DMRT1: variants seen among roughly 807,000 people sequenced by gnomAD.
DMRT1 encodes the protein doublesex- and mab-3-related transcription factor 1.
In DMRT1, 7 loss-of-function variants were observed where a neutral mutation model predicts 32.3. The ratio of observed to expected loss-of-function variants is 0.22; its 90% CI spans 0.12 to 0.41. The LOEUF is 0.41. Ranked by LOEUF, DMRT1 falls within the 10% of genes least tolerant of loss-of-function variation. DMRT1 has a pLI of 1.00. For synonymous variants in DMRT1, 278 were observed against 206.1 expected (o/e 1.35, Z -2.99); for missense variants, 625 against 500.5 (o/e 1.25, Z -2.37).
chr9:874,853 G>A (rs966371251), intron 2 of DMRT1, among the ~76,000 whole-genome samples: 1 of 124,122 alleles, frequency 8.1e-6, no homozygotes, highest in African/African-American at 3.1e-5. Flanking sequence ...TGTCACCCCA[G>A]CTGGAGTGCA....
intron 3 of DMRT1, among the ~76,000 whole-genome samples, chr9:901,477 C>G (rs1449829299): frequency 6.6e-6 from 1 of 152,058 alleles, no homozygotes; most frequent in African/African-American, 2.4e-5. Context: ...CAGGCCCCTG[C>G]CACCATGCCT....
In DMRT1 at chr9:842,025, C is replaced by G; in HGVS notation, c.187C>G (p.Leu63Val). The G allele has an allele frequency of 1.3e-6, 2 of 1,549,440 alleles. No homozygotes were observed. The highest frequency in any genetic ancestry group is 1.7e-6 in the Non-Finnish European group (2 of 1,149,790). Residue 63 changes from leucine to valine, a missense_variant, in exon 1 of 5, where the codon CTG becomes GTG. Physicochemically the swap from Leu to Val is conservative, Grantham distance 32. Around this residue, in one of 3 missense-constraint regions of DMRT1, gnomAD observed 201 missense variants for 152.0 expected, o/e 1.32. Transcript: ENST00000382276. ...CGGCTCCGGCTCCGGGGCGTCGGAC[C>G]TGGGTGCCGGGAGCAAGAAGTCCCC... Reference protein sequence around the residue: ...GGGSGSGASDLGAGSKKSPRL... With the variant: ...GGGSGSGASDVGAGSKKSPRL...
At chr9:926,683 CA>C (rs1818534614) in intron 4 of DMRT1, among the ~76,000 whole-genome samples, 1 of 72,800 alleles carries the variant, frequency 1.4e-5, no homozygotes, top group South Asian at 8.8e-4. Context: ...AGAGAAGACA[CA>C]GGTAGAGAGA....
At chr9:868,787 A>G (rs1032732390) in intron 2 of DMRT1, among the ~76,000 whole-genome samples, 9 of 152,230 alleles carry the variant, frequency 5.9e-5, no homozygotes, top group East Asian at 1.9e-4. Flanking sequence ...AGGCAGGTAG[A>G]TGGCTTGAGC....
At chr9:892,804 A>T (rs1048179826) in intron 2 of DMRT1, among the ~76,000 whole-genome samples, 5 of 151,930 alleles carry the variant, frequency 3.3e-5, no homozygotes, top group Admixed American at 2.6e-4. Context: ...CTTTCATACT[A>T]CATGTCTCCT....
chr9:841,905 C>T lies in DMRT1; in HGVS notation c.67C>T (p.Pro23Ser), dbSNP rs2132531685. The change falls in exon 1 of 5, where the codon CCG becomes TCG. Residue 23 changes from proline to serine, a missense_variant. Physicochemically the swap from Pro to Ser is moderately conservative, Grantham distance 74. Transcript: ENST00000382276. ...GGAAGCCCCTCACGCCCCCGGGGTACCGCCGCAGGGCAGAGCCGGGGGCTT... is the reference window on the plus strand; with the variant it reads ...GGAAGCCCCTCACGCCCCCGGGGTATCGCCGCAGGGCAGAGCCGGGGGCTT... ...PSEAPHAPGVPPQGRAGGFGK... is the reference protein window; with the variant it reads ...PSEAPHAPGVSPQGRAGGFGK... 6.2e-7 allele frequency: 1 copy of T among 1,611,166 alleles called. No individual in the cohort carries two copies. The highest frequency in any genetic ancestry group is 8.5e-7 in the Non-Finnish European group (1 of 1,178,856).
intron 1 of DMRT1, among the ~76,000 whole-genome samples, chr9:845,897 A>T (rs1838883146): frequency 6.6e-6 from 1 of 152,082 alleles, no homozygotes; most frequent in South Asian, 2.1e-4. Context: ...CTGCTGGCTG[A>T]TTTTAACATG....
At chr9:874,956 C>A (rs547416147) in intron 2 of DMRT1, among the ~76,000 whole-genome samples, 7 of 151,628 alleles carry the variant, frequency 4.6e-5, no homozygotes, top group Non-Finnish European at 8.8e-5. Context: ...TACGGGTGCC[C>A]GCCACCACGC....
intron 3 of DMRT1, among the ~76,000 whole-genome samples, chr9:909,174 T>G (rs1817884231): frequency 6.6e-6 from 1 of 152,050 alleles, no homozygotes; most frequent in Non-Finnish European, 1.5e-5. Context: ...TTCAGAGCTC[T>G]GGACACAAAA....
intron 3 of DMRT1, chr9:895,002 A>T (rs1042270831): frequency 2.6e-5 from 4 of 152,108 alleles, no homozygotes; most frequent in African/African-American, 4.8e-5. Context: ...TTTAGTAGAG[A>T]TGGGGTTTCA....
chr9:900,903 G>C (rs1325591961), intron 3 of DMRT1, among the ~76,000 whole-genome samples: 1 of 151,948 alleles, frequency 6.6e-6, no homozygotes, highest in Non-Finnish European at 1.5e-5. Flanking sequence ...GTGGTGCCGA[G>C]GCTGGTCTTA....
chr9:959,508 ATTG>A (rs143409687), intron 4 of DMRT1, among the ~76,000 whole-genome samples: 6 of 152,034 alleles, frequency 3.9e-5, no homozygotes, highest in Non-Finnish European at 8.8e-5. Flanking sequence ...AACTGGTTTT[ATTG>A]TTGTTGTTGT....
At chr9:842,558 G>T (rs546349295) in intron 1 of DMRT1, among the ~76,000 whole-genome samples, 4 of 151,472 alleles carry the variant, frequency 2.6e-5, no homozygotes, top group African/African-American at 4.8e-5. Context: ...CTTGAATGAA[G>T]TCCCCCCAGC....
chr9:852,520 G>C (rs143209038), intron 2 of DMRT1, among the ~76,000 whole-genome samples: 1 of 151,438 alleles, frequency 6.6e-6, no homozygotes, highest in African/African-American at 2.4e-5. Flanking sequence ...AGCCTCCCGT[G>C]CTCCTATAGA....
At chr9:911,212 T>TGCCA (rs1817961978) in intron 3 of DMRT1, among the ~76,000 whole-genome samples, 2 of 152,104 alleles carry the variant, frequency 1.3e-5, no homozygotes, top group African/African-American at 4.8e-5. Flanking sequence ...GACCACTAGA[T>TGCCA]GCCAGCATCA....
intron 3 of DMRT1, among the ~76,000 whole-genome samples, chr9:912,606 A>G (rs548885830): frequency 1.4e-4 from 21 of 152,326 alleles, no homozygotes; most frequent in African/African-American, 4.8e-4. Context: ...AAAGAATTTT[A>G]CTGTTCATCT....
chr9:909,722 G>GT (rs5895877), intron 3 of DMRT1, among the ~76,000 whole-genome samples: 1 of 151,610 alleles, frequency 6.6e-6, no homozygotes, highest in African/African-American at 2.4e-5. Context: ...TTTTGTTTCT[G>GT]TTTTTTTTTG....
chr9:868,226 GT>G (rs1554746775), intron 2 of DMRT1, among the ~76,000 whole-genome samples: 1 of 152,148 alleles, frequency 6.6e-6, no homozygotes, highest in Non-Finnish European at 1.5e-5. Context: ...CGATCTGCCT[GT>G]TTCTGCCTCC....
chr9:843,600 T>C (rs897853129), intron 1 of DMRT1, among the ~76,000 whole-genome samples: 7 of 152,250 alleles, frequency 4.6e-5, no homozygotes, highest in African/African-American at 1.4e-4. Context: ...GGAAAGTTAA[T>C]GTCTTTAGTA....
Sources: allele counts gnomAD v4.1 joint callset (sites outside exome capture counted in the v4.1 genomes callset), GRCh38; gene constraint gnomAD v4.1.1; regional missense constraint gnomAD v4.1.1; transcripts MANE v1.5; gene names NCBI Gene and HGNC (gene_info 2026-07-23, HGNC 2026-07-21).